Variants in IDO1 observed in about 807,000 individuals in gnomAD.
The protein encoded by IDO1 is indoleamine 2,3-dioxygenase 1.
In IDO1, 35 loss-of-function variants were observed where a neutral mutation model predicts 38.8. That is an observed-to-expected ratio of 0.90 (90% CI 0.69 to 1.20). The LOEUF is 1.20. IDO1 is among the 50% of genes most tolerant of loss of function. The pLI, the probability that IDO1 is intolerant of heterozygous loss-of-function variation, is 0.00. For missense variants in IDO1, 509 were observed against 485.1 expected, an observed-to-expected ratio of 1.05 and a Z score of -0.46; for synonymous variants, 171 against 170.0, an observed-to-expected ratio of 1.01 and a Z score of -0.05.
intron 4 of IDO1, among the ~76,000 whole-genome samples, 181 bp from the exon 5 acceptor site, chr8:39,919,919 G>A (rs567060522): frequency 1.2e-4 from 19 of 152,320 alleles, no homozygotes; most frequent in East Asian, 7.7e-4. Context: ...TCATTTGTAA[G>A]TTATTAAGTT....
In IDO1 at chr8:39,914,161, T is replaced by A. The variant is rs1310977013; in HGVS notation, c.87+152T>A. On this transcript the variant is annotated intron_variant, in intron 1 of 9. Coordinates refer to ENST00000518237, the MANE Select transcript of IDO1 (RefSeq NM_002164.6). The stretch of plus-strand genomic sequence containing the variant: ...AAATTAGAGAGCTGTAATAACTGCA[T>A]CTCACTTAATTTGTCTTACATTTTC... 1.4e-5 allele frequency: 8 copies of A among 581,320 alleles called. 1 individual carries two copies. Among genetic ancestry groups the A allele is most frequent in the Non-Finnish European group, 1.5e-5 (5 of 323,204 alleles). The allele number at this position is 581,320 out of a possible 1,614,324, so 36.0% of individuals were successfully genotyped here.
rs914064874 is a variant in IDO1 at position 39,928,606 on chromosome 8, A to G, written c.*421A>G. Among the ~76,000 whole-genome samples, 1 of 151,810 alleles carries G rather than the reference A, an allele frequency of 6.6e-6. No homozygotes were observed. The highest frequency in any genetic ancestry group is 1.5e-5 in the Non-Finnish European group (1 of 67,946). Reference sequence around the variant, plus strand: ...AAATTAGCCGGGCGCGGTGGCGGGCACCTGTAGTCCCAGCTACTCGGGAGG... The same window carrying G: ...AAATTAGCCGGGCGCGGTGGCGGGCGCCTGTAGTCCCAGCTACTCGGGAGG... On this transcript the variant is annotated 3_prime_UTR_variant, in exon 10 of 10. Transcript: ENST00000518237.
At chr8:39,918,778 ACAACAAC>A in intron 3 of IDO1, 30 bp from the exon 4 acceptor site, 1 of 995,612 alleles carries the variant, frequency 1.0e-6, no homozygotes, top group Non-Finnish European at 1.6e-6. Context: ...AACAACAACA[ACAACAAC>A]AAAAAACCTA....
At position 39,917,946 on chromosome 8, in the gene IDO1, C is replaced by T. The variant is rs1422585024; in HGVS notation, c.159C>T (p.Gly53=). 1 of 1,612,656 alleles carries T rather than the reference C, an allele frequency of 6.2e-7. No homozygotes were observed. ...ATCTGCCTGATCTCATAGAGTCTGG[C>T]CAGCTTCGAGAAAGAGTTGAGAAGG... ...AKHLPDLIES[G]QLRERVEKLN... is the part of the protein sequence containing the mutation. Residue 53 remains glycine (G), a synonymous_variant, in exon 2 of 10, where the codon GGC becomes GGT. Coordinates refer to ENST00000518237, the MANE Select transcript of IDO1 (RefSeq NM_002164.6).
At chr8:39,918,414 C>G (rs906843910) in intron 3 of IDO1, 2 of 560,244 alleles carry the variant, frequency 3.6e-6, no homozygotes, top group African/African-American at 3.8e-5. Context: ...ATTTTTCATC[C>G]TGTATTTTAT....
At chr8:39,918,234 T>A (rs199972016) in intron 3 of IDO1, 27 bp downstream of exon 3, 4 of 1,596,924 alleles carry the variant, frequency 2.5e-6, no homozygotes, top group Non-Finnish European at 3.4e-6. Flanking sequence ...AGATTTCTTA[T>A]GCTATGTGAC....
intron 3 of IDO1, chr8:39,918,428 G>T: frequency 3.7e-6 from 2 of 541,636 alleles, no homozygotes; most frequent in Non-Finnish European, 6.5e-6. Flanking sequence ...ATTTTATCTG[G>T]CAACCCTAAT....
chr8:39,923,728 C>T (rs1172725241), intron 7 of IDO1, 142 bp downstream of exon 7: 2 of 523,806 alleles, frequency 3.8e-6, no homozygotes, highest in Non-Finnish European at 6.9e-6. Flanking sequence ...AACCATTCCA[C>T]TTTCTATGTG....
intron 1 of IDO1, among the ~76,000 whole-genome samples, chr8:39,917,294 G>A (rs1563414564): frequency 6.6e-6 from 1 of 152,060 alleles, no homozygotes; most frequent in Non-Finnish European, 1.5e-5. Context: ...TTAGGAGGTC[G>A]AGACCAACTT....
intron 1 of IDO1, among the ~76,000 whole-genome samples, chr8:39,914,851 T>C (rs1388880239): frequency 6.6e-6 from 1 of 152,138 alleles, no homozygotes; most frequent in Non-Finnish European, 1.5e-5. Flanking sequence ...CTGCAACCTC[T>C]GCCTCCTAGG....
intron 1 of IDO1, 83 bp from the exon 2 acceptor site, chr8:39,917,792 G>A (rs1361695184): frequency 1.2e-6 from 1 of 845,012 alleles, no homozygotes; most frequent in Middle Eastern, 3.3e-4. Context: ...CAGAATGGAT[G>A]TGAAGGCAAG....
chr8:39,918,050 T>G, intron 2 of IDO1, 38 bp from the exon 3 acceptor site: 1 of 1,613,226 alleles, frequency 6.2e-7, no homozygotes, highest in Non-Finnish European at 8.5e-7. Context: ...AAAACATTAC[T>G]GAGATTGATT....
chr8:39,922,864 C>A (rs181021654), intron 6 of IDO1: 7 of 557,224 alleles, frequency 1.3e-5, no homozygotes, highest in Non-Finnish European at 2.2e-5. Flanking sequence ...CAACTTGAAA[C>A]CTCTGTAGGA....
chr8:39,922,303 G>A (rs1586211805), intron 5 of IDO1, among the ~76,000 whole-genome samples: 2 of 151,920 alleles, frequency 1.3e-5, no homozygotes, highest in African/African-American at 4.8e-5. Flanking sequence ...TACCATGCCC[G>A]GCCCTAGTTC....
At chr8:39,915,995 C>G (rs1807169341) in intron 1 of IDO1, among the ~76,000 whole-genome samples, 1 of 149,910 alleles carries the variant, frequency 6.7e-6, no homozygotes, top group Admixed American at 6.7e-5. Context: ...GAAACCCCGT[C>G]TCTACTAAAA....
Position 39,928,716 on chromosome 8 carries a change from G to C in IDO1, c.*531G>C, listed in dbSNP as rs375417495. Among the ~76,000 whole-genome samples, 2 of 144,248 alleles carry C rather than the reference G, an allele frequency of 1.4e-5. No homozygotes were observed. The highest frequency in any genetic ancestry group is 2.2e-4 in the South Asian group (1 of 4,622). The allele number at this position is 144,248 out of a possible 152,430, so 94.6% of individuals were successfully genotyped here. A position where few individuals can be genotyped will look rare whatever the true frequency, so the allele number is the denominator to read the frequency against. Reference sequence around the variant, plus strand: ...CCACTGCAATCCGGCCTGGGCTAAAGAGCGGGACTCCGTCTCAAAAAAAAA... The same window carrying C: ...CCACTGCAATCCGGCCTGGGCTAAACAGCGGGACTCCGTCTCAAAAAAAAA... On this transcript the variant is annotated 3_prime_UTR_variant, in exon 10 of 10. Coordinates refer to ENST00000518237, the MANE Select transcript of IDO1 (RefSeq NM_002164.6).
chr8:39,916,263 G>A (rs977919189), intron 1 of IDO1, among the ~76,000 whole-genome samples: 1 of 151,838 alleles, frequency 6.6e-6, no homozygotes, highest in Non-Finnish European at 1.5e-5. Context: ...ATCACTTGAG[G>A]TCAGGAGTTT....
chr8:39,915,523 CTT>C (rs1169624057), intron 1 of IDO1: 1 of 152,142 alleles, frequency 6.6e-6, no homozygotes, highest in Non-Finnish European at 1.5e-5. Context: ...TAATTTTCCT[CTT>C]CAGATTGTTA....
In IDO1 at chr8:39,928,195, A is replaced by G. The variant is rs1391891676; in HGVS notation, c.*10A>G. 1 of 1,575,358 alleles carries G rather than the reference A, an allele frequency of 6.3e-7. No individual in the cohort carries two copies. Among genetic ancestry groups the G allele is most frequent in the South Asian group, 1.1e-5 (1 of 87,438 alleles). ...TTTGAAGGAAGGTTAATGTAACCCA[A>G]CAAGAGCACATTTTATCATAGCAGA... On this transcript the variant is annotated 3_prime_UTR_variant, in exon 10 of 10. Coordinates refer to ENST00000518237, the MANE Select transcript of IDO1 (RefSeq NM_002164.6).
Sources: gnomAD v4.1 joint callset for allele counts (sites outside exome capture counted in the v4.1 genomes callset) on GRCh38, gnomAD v4.1.1 for gene constraint, MANE v1.5 for transcripts, NCBI Gene and HGNC (gene_info 2026-07-23, HGNC 2026-07-21) for gene names.